WDR70: variants seen among roughly 807,000 people sequenced by gnomAD.
The protein encoded by WDR70 is WD repeat domain 70.
A neutral mutation model predicts 88.6 loss-of-function variants in WDR70; 53 were observed. The ratio of observed to expected loss-of-function variants is 0.60; its 90% CI spans 0.48 to 0.75. The LOEUF (loss-of-function observed/expected upper bound fraction) is 0.75, where lower values mean the gene tolerates loss of function less well. Ranked by LOEUF, WDR70 falls within the 30% of genes least tolerant of loss-of-function variation. WDR70 has a pLI of 0.00. For synonymous variants in WDR70, 280 were observed against 270.0 expected, an observed-to-expected ratio of 1.04 and a Z score of -0.36; for missense variants, 610 against 823.2, an observed-to-expected ratio of 0.74 and a Z score of 3.17.
chr5:37,443,211 T>C (rs779586780), intron 6 of WDR70, 28 bp from the exon 7 acceptor site: 22 of 1,565,470 alleles, frequency 1.4e-5, no homozygotes, highest in Non-Finnish European at 1.9e-5. Context: ...TTTGCTCCGG[T>C]CATTTTATTT....
rs1201843868 is a variant in WDR70 at position 37,433,451 on chromosome 5, C to G, written c.493-4471C>G. On this transcript the variant is annotated intron_variant, in intron 5 of 17. Transcript: ENST00000265107. Reference sequence around the variant, plus strand: ...TGTATACAGCCTGATTTGGAACTCTCTCTCTGGCTTTTATGTATACAGTTG... The same window carrying G: ...TGTATACAGCCTGATTTGGAACTCTGTCTCTGGCTTTTATGTATACAGTTG... Among the ~76,000 whole-genome samples the G allele has an allele frequency of 4.6e-5, 7 of 152,328 alleles. 1 individual carries two copies. The highest frequency in any genetic ancestry group is 4.6e-4 in the Admixed American group (7 of 15,298).
chr5:37,380,084 G>T (rs1408369016), intron 2 of WDR70, among the ~76,000 whole-genome samples: 10 of 152,034 alleles, frequency 6.6e-5, no homozygotes. Context: ...TATTTAAAAA[G>T]AAAATTATTT....
At chr5:37,711,987 C>CTTT (rs70978842) in intron 13 of WDR70, among the ~76,000 whole-genome samples, 22 of 104,012 alleles carry the variant, frequency 2.1e-4, no homozygotes, top group South Asian at 6.2e-4. Context: ...TATATTTTTT[C>CTTT]TTTTTTTTTT....
intron 10 of WDR70, among the ~76,000 whole-genome samples, chr5:37,677,003 T>C (rs974196693): frequency 3.6e-4 from 55 of 152,354 alleles, no homozygotes; most frequent in African/African-American, 1.3e-3. Context: ...TTCTTCTAGA[T>C]TTTCTAGTTT....
At chr5:37,394,841 A>G (rs1156714578) in intron 4 of WDR70, among the ~76,000 whole-genome samples, 1 of 152,206 alleles carries the variant, frequency 6.6e-6, no homozygotes, top group East Asian at 1.9e-4. Context: ...CAGTGGCTCA[A>G]ATGTAGAAAC....
intron 13 of WDR70, among the ~76,000 whole-genome samples, chr5:37,718,588 C>G (rs1464642818): frequency 6.6e-6 from 1 of 152,222 alleles, no homozygotes; most frequent in Non-Finnish European, 1.5e-5. Flanking sequence ...CATGTACATT[C>G]TCTCTCTCTA....
chr5:37,388,129 CT>C (rs1748684413), intron 3 of WDR70, among the ~76,000 whole-genome samples: 1 of 150,732 alleles, frequency 6.6e-6, no homozygotes, highest in African/African-American at 2.4e-5. Flanking sequence ...ATTTTTTTTT[CT>C]TTTTCTTGAG....
intron 9 of WDR70, among the ~76,000 whole-genome samples, chr5:37,601,025 A>C (rs980798321): frequency 1.3e-5 from 2 of 152,136 alleles, no homozygotes; most frequent in African/African-American, 4.8e-5. Flanking sequence ...TGGATAACTT[A>C]TTTCTTTTTC....
chr5:37,570,647 C>T (rs1429802946), intron 9 of WDR70, among the ~76,000 whole-genome samples: 4 of 152,122 alleles, frequency 2.6e-5, no homozygotes, highest in African/African-American at 9.7e-5. Flanking sequence ...TGTCACAGAA[C>T]TAAGAGAATG....
chr5:37,491,415 G>A (rs565583386), intron 8 of WDR70, among the ~76,000 whole-genome samples: 1 of 152,292 alleles, frequency 6.6e-6, no homozygotes, highest in South Asian at 2.1e-4. Flanking sequence ...AGCTGATATT[G>A]TTCAGTGCCT....
chr5:37,702,578 G>A (rs945628108), intron 12 of WDR70, among the ~76,000 whole-genome samples: 3 of 152,212 alleles, frequency 2.0e-5, no homozygotes, highest in Non-Finnish European at 4.4e-5. Flanking sequence ...ATATCTGTCC[G>A]TAGACACTCT....
At position 37,554,934 on chromosome 5, in the gene WDR70, T is replaced by C. The variant is rs1742255713; in HGVS notation, c.917+38344T>C. Among the ~76,000 whole-genome samples, 2 of 152,220 alleles carry C rather than the reference T, an allele frequency of 1.3e-5. 1 individual carries two copies. Among genetic ancestry groups the C allele is most frequent in the South Asian group, 4.1e-4 (2 of 4,824 alleles). On this transcript the variant is annotated intron_variant, in intron 9 of 17. Coordinates refer to ENST00000265107, the MANE Select transcript of WDR70 (RefSeq NM_018034.4). ...TTAAATATATGGTTTAAATATGTAT[T>C]AGGGAATTATTTACATTTCTTTAAA...
intron 17 of WDR70, among the ~76,000 whole-genome samples, chr5:37,745,179 C>G (rs1748600037): frequency 2.0e-5 from 3 of 152,052 alleles, no homozygotes; most frequent in African/African-American, 7.2e-5. Context: ...AACTAATAAG[C>G]TTCATAAGCG....
chr5:37,502,648 T>C (rs1370346000), intron 8 of WDR70, among the ~76,000 whole-genome samples: 2 of 152,170 alleles, frequency 1.3e-5, no homozygotes, highest in Non-Finnish European at 2.9e-5. Context: ...TACCTGAGAC[T>C]GGGTAGTTTA....
intron 10 of WDR70, among the ~76,000 whole-genome samples, chr5:37,645,586 C>A (rs1010185299): frequency 6.6e-6 from 1 of 152,004 alleles, no homozygotes; most frequent in Non-Finnish European, 1.5e-5. Context: ...AAGTTTCCAA[C>A]TATTATTGTG....
intron 13 of WDR70, among the ~76,000 whole-genome samples, chr5:37,706,880 T>C (rs78734840): frequency 0.048 from 7,256 of 152,262 alleles, 571 homozygotes; most frequent in African/African-American, 0.16. Flanking sequence ...AAATTCACTT[T>C]TGTTTTTTTT....
At chr5:37,404,882 C>T (rs1749305309) in intron 5 of WDR70, among the ~76,000 whole-genome samples, 2 of 152,096 alleles carry the variant, frequency 1.3e-5, no homozygotes. Flanking sequence ...ACAAAGCTTT[C>T]TGCACAAAAA....
intron 17 of WDR70, among the ~76,000 whole-genome samples, chr5:37,728,163 C>T (rs954199570): frequency 7.9e-5 from 12 of 151,892 alleles, no homozygotes; most frequent in African/African-American, 2.4e-4. Context: ...GCCTGGCCAA[C>T]ATGGTGAAAG....
chr5:37,438,030 A>G (rs1332688067), intron 6 of WDR70, 49 bp downstream of exon 6: 1 of 1,512,030 alleles, frequency 6.6e-7, no homozygotes, highest in South Asian at 1.2e-5. Context: ...CAGGGCTGTC[A>G]TGGAAAAGTG....
Sources: allele counts gnomAD v4.1 joint callset (sites outside exome capture counted in the v4.1 genomes callset), GRCh38; gene constraint gnomAD v4.1.1; transcripts MANE v1.5; gene names NCBI Gene and HGNC (gene_info 2026-07-23, HGNC 2026-07-21).